Variants in TLE4 observed in about 807,000 individuals in gnomAD.
The protein encoded by TLE4 is TLE family member 4, transcriptional corepressor.
A neutral mutation model predicts 92.8 loss-of-function variants in TLE4; 8 were observed. That is an observed-to-expected ratio of 0.09 (90% confidence interval 0.05 to 0.16). The LOEUF is 0.16. Ranked by LOEUF, TLE4 falls within the 10% of genes least tolerant of loss-of-function variation. The pLI is 1.00. For missense variants in TLE4, 675 were observed against 997.6 expected (o/e 0.68, Z 4.36); for synonymous variants, 371 against 374.1 (o/e 0.99, Z 0.10).
chr9:79,679,515 A>C (rs2064006838), intron 8 of TLE4, among the ~76,000 whole-genome samples: 1 of 152,146 alleles, frequency 6.6e-6, no homozygotes, highest in Non-Finnish European at 1.5e-5. Flanking sequence ...TCTGGATATT[A>C]GCCCTTTGTC....
intron 8 of TLE4, among the ~76,000 whole-genome samples, chr9:79,674,742 G>A (rs564418022): frequency 6.4e-4 from 97 of 152,154 alleles, no homozygotes; most frequent in Non-Finnish European, 9.6e-4. Context: ...TCAAAGTGGC[G>A]GTTCAAGACC....
chr9:79,670,245 T>G (rs1255064334), intron 8 of TLE4, among the ~76,000 whole-genome samples: 1 of 149,498 alleles, frequency 6.7e-6, no homozygotes, highest in East Asian at 1.9e-4. Context: ...GGCAAGAAGT[T>G]TATCACCATT....
intron 8 of TLE4, among the ~76,000 whole-genome samples, chr9:79,692,785 C>A (rs1408089390): frequency 6.6e-6 from 1 of 152,130 alleles, no homozygotes; most frequent in Non-Finnish European, 1.5e-5. Flanking sequence ...AATCTTATTT[C>A]TGAGGCTCTA....
intron 4 of TLE4, among the ~76,000 whole-genome samples, chr9:79,598,766 C>T (rs551219180): frequency 6.6e-6 from 1 of 152,208 alleles, no homozygotes; most frequent in South Asian, 2.1e-4. Context: ...CTTAGATTTC[C>T]AGGGCTCCTC....
chr9:79,696,491 A>C (rs1274899945), intron 8 of TLE4, among the ~76,000 whole-genome samples: 1 of 152,138 alleles, frequency 6.6e-6, no homozygotes, highest in Non-Finnish European at 1.5e-5. Context: ...CTTTAAATTG[A>C]TATATTGTCA....
rs556542191 is a variant in TLE4, at chr9:79,653,518, A to G, written c.593-541A>G. Among the ~76,000 whole-genome samples, 7 of 152,286 alleles carry G rather than the reference A, an allele frequency of 4.6e-5. No homozygotes were observed. The South Asian group carries it at 1.5e-3, about 32-fold the overall frequency. Reference sequence around the variant, plus strand: ...TCTTTGGTGCTTACTGATAATTTTTATTAGTTGATGACAGAAATGCAGATG... The same window carrying G: ...TCTTTGGTGCTTACTGATAATTTTTGTTAGTTGATGACAGAAATGCAGATG... On this transcript the variant is annotated intron_variant, in intron 7 of 19. Transcript: ENST00000376552.
chr9:79,631,016 G>T lies in TLE4; in HGVS notation c.390+3568G>T, dbSNP rs2133666756. On this transcript the variant is annotated intron_variant, in intron 6 of 19. Coordinates refer to ENST00000376552, the MANE Select transcript of TLE4 (RefSeq NM_007005.6). ...TAGAAATGTATGCGTTTGGAAAAAAGCTCACCCCCATCCCCAATAAACCCT... is the reference window on the plus strand; with the variant it reads ...TAGAAATGTATGCGTTTGGAAAAAATCTCACCCCCATCCCCAATAAACCCT... Among the ~76,000 whole-genome samples, 2 of 152,244 alleles carry T rather than the reference G, an allele frequency of 1.3e-5. 1 individual carries two copies. The highest frequency in any genetic ancestry group is 4.1e-4 in the South Asian group (2 of 4,824).
At chr9:79,649,982 C>G in intron 6 of TLE4, 1 of 857,918 alleles carries the variant, frequency 1.2e-6, no homozygotes, top group Non-Finnish European at 1.6e-6. Context: ...GTAGCACAAT[C>G]ATGGCTCACT....
At position 79,591,799 on chromosome 9, in the gene TLE4, T is replaced by C. The variant is rs553230064; in HGVS notation, c.252+15622T>C. Reference sequence around the variant, plus strand: ...ACAGAGTCATGGTACCATTCATTGATAGAAAAAGATACTTTAGAAGGGGAG... The same window carrying C: ...ACAGAGTCATGGTACCATTCATTGACAGAAAAAGATACTTTAGAAGGGGAG... On this transcript the variant is annotated intron_variant, in intron 4 of 19. Transcript: ENST00000376552. 8.5e-4 allele frequency among the ~76,000 whole-genome samples: 130 copies of C among 152,240 alleles called. 4 individuals are homozygous for C. The South Asian group carries it at 0.025, about 29-fold the overall frequency.
rs1308950925 is a variant in TLE4 at position 79,709,725 on chromosome 9, C to G, written c.1340+26C>G. The G allele has an allele frequency of 1.9e-6, 3 of 1,608,400 alleles. No individual in the cohort carries two copies. The South Asian group carries it at 3.3e-5, about 18-fold the overall frequency. ...GTGAGTACCTTTTTGCCTCTGTGCT[C>G]ATTGTGTGTCAAACTCAGGTCCCTT... On this transcript the variant is annotated intron_variant, in intron 14 of 19. Transcript: ENST00000376552.
At chr9:79,599,182 G>A (rs2044906250) in intron 4 of TLE4, among the ~76,000 whole-genome samples, 1 of 152,040 alleles carries the variant, frequency 6.6e-6, no homozygotes, top group Non-Finnish European at 1.5e-5. Context: ...GACCTTGATG[G>A]GCCCTTACTG....
chr9:79,708,829 G>C (rs1162157971), intron 13 of TLE4, 43 bp downstream of exon 13: 1 of 1,558,476 alleles, frequency 6.4e-7, no homozygotes, highest in Admixed American at 1.8e-5. Flanking sequence ...GCACACGGAG[G>C]ATTGTCATGC....
intron 8 of TLE4, 109 bp downstream of exon 8, chr9:79,654,184 G>T: frequency 1.8e-6 from 2 of 1,132,766 alleles, no homozygotes; most frequent in Non-Finnish European, 2.6e-6. Flanking sequence ...TCATTGGTTA[G>T]TAGTGGTTAA....
chr9:79,654,049 T>C lies in TLE4; in HGVS notation c.593-10T>C. 1.2e-6 allele frequency: 2 copies of C among 1,613,778 alleles called. No individual in the cohort carries two copies. The highest frequency in any genetic ancestry group is 1.1e-5 in the South Asian group (1 of 91,068). ...TTTATCTGCTTGTGTTGCTGCTGTT[T>C]TGCATATAGACAGAGACTCCATCAA... On this transcript the variant is annotated splice_polypyrimidine_tract_variant and intron_variant, in intron 7 of 19. Coordinates refer to ENST00000376552, the MANE Select transcript of TLE4 (RefSeq NM_007005.6).
At chr9:79,687,387 T>A (rs550396918) in intron 8 of TLE4, among the ~76,000 whole-genome samples, 31 of 152,344 alleles carry the variant, frequency 2.0e-4, no homozygotes, top group South Asian at 6.2e-4. Flanking sequence ...ATTTTCTTCC[T>A]TGTCTCTCCC....
At chr9:79,708,322 A>C in intron 12 of TLE4, 72 bp downstream of exon 12, 2 of 1,531,060 alleles carry the variant, frequency 1.3e-6, no homozygotes, top group East Asian at 4.6e-5. Context: ...TAAGGAGTAC[A>C]GTACATTAAA....
At chr9:79,668,522 G>A (rs2061763076) in intron 8 of TLE4, among the ~76,000 whole-genome samples, 1 of 152,138 alleles carries the variant, frequency 6.6e-6, no homozygotes, top group South Asian at 2.1e-4. Flanking sequence ...GAGAATCAAG[G>A]AGGTCACCGT....
intron 11 of TLE4, 122 bp from the exon 12 acceptor site, chr9:79,707,996 G>A: frequency 1.0e-6 from 1 of 1,001,860 alleles, no homozygotes. Context: ...GAAAATCAAG[G>A]CCCAAGCTGA....
intron 8 of TLE4, chr9:79,671,154 G>A (rs1206851539): frequency 1.4e-5 from 6 of 419,886 alleles, no homozygotes; most frequent in Non-Finnish European, 2.5e-5. Flanking sequence ...TGGGGATTTT[G>A]TGTTTAGGGA....
Sources: allele counts gnomAD v4.1 joint callset (sites outside exome capture counted in the v4.1 genomes callset), GRCh38; gene constraint gnomAD v4.1.1; transcripts MANE v1.5; gene names NCBI Gene and HGNC (gene_info 2026-07-23, HGNC 2026-07-21).